NOX4: variants seen among roughly 807,000 people sequenced by gnomAD.
NOX4 encodes the protein kidney oxidase-1.
A neutral mutation model predicts 87.6 loss-of-function variants in NOX4; 69 were observed. The observed-to-expected ratio is 0.79, with a 90% confidence interval of 0.65 to 0.96. The LOEUF (loss-of-function observed/expected upper bound fraction) is 0.96. NOX4 is among the 40% of genes least tolerant of loss of function. The pLI is 0.00. For missense variants in NOX4, 680 were observed against 681.5 expected (o/e 1.00, Z 0.02); for synonymous variants, 275 against 238.2 (o/e 1.15, Z -1.42).
chr11:89,400,327 T>C lies in NOX4; in HGVS notation c.899A>G (p.Tyr300Cys), dbSNP rs773496477. 3 of 1,612,512 alleles carry C rather than the reference T, an allele frequency of 1.9e-6. No homozygotes were observed. In the African/African-American group the frequency reaches 4.0e-5, roughly 22 times the overall value. Reference protein sequence around the residue: ...PLCLYCAERLYRYIRSNKPVT... With the variant: ...PLCLYCAERLCRYIRSNKPVT... ...TGGCTTATTGCTCCGGATATACCTG[T>C]AAAGTCTTTCGGCACAGTACAGGCA... Residue 300 changes from tyrosine (Y) to cysteine (C), a missense_variant, in exon 10 of 18, where the codon TAC becomes TGC. Physicochemically the swap from Tyr to Cys is radical, Grantham distance 194. Transcript: ENST00000263317.
intron 12 of NOX4, among the ~76,000 whole-genome samples, chr11:89,370,839 C>A (rs1206236445): frequency 6.6e-6 from 1 of 151,984 alleles, no homozygotes; most frequent in Non-Finnish European, 1.5e-5. Flanking sequence ...ATAGCTGCTT[C>A]CCTTGCTCCT....
intron 2 of NOX4, among the ~76,000 whole-genome samples, chr11:89,465,274 G>A (rs1945628614): frequency 1.3e-5 from 2 of 152,038 alleles, no homozygotes; most frequent in African/African-American, 4.8e-5. Flanking sequence ...TGTGAATGAT[G>A]GTTTCCAGCG....
chr11:89,561,050 C>CATACATATATAT, the NOX4 span, among the ~76,000 whole-genome samples: 5 of 28,552 alleles, frequency 1.8e-4, no homozygotes, highest in African/African-American at 7.4e-4. Flanking sequence ...ATATATCATA[C>CATACATATATAT]ATATATATAT....
chr11:89,585,613 C>A, the NOX4 span, among the ~76,000 whole-genome samples: 7 of 152,100 alleles, frequency 4.6e-5, no homozygotes, highest in Admixed American at 3.9e-4. Flanking sequence ...TTCAATGAAA[C>A]TTCATTTACA....
chr11:89,339,992 C>G, intron 15 of NOX4, 71 bp downstream of exon 15: 2 of 736,704 alleles, frequency 2.7e-6, no homozygotes, highest in Non-Finnish European at 4.4e-6. Flanking sequence ...GCATTTATTG[C>G]TTTTGTAATA....
chr11:89,427,174 A>C (rs537999109), intron 7 of NOX4, among the ~76,000 whole-genome samples: 11 of 152,312 alleles, frequency 7.2e-5, no homozygotes, highest in Admixed American at 2.6e-4. Flanking sequence ...GACTGTTAGA[A>C]GGAAAACTAA....
At chr11:89,548,644 T>A in the NOX4 span, 1 of 152,134 alleles carries the variant, frequency 6.6e-6, no homozygotes, top group Non-Finnish European at 1.5e-5. Context: ...AGAAGTGAGA[T>A]ATTTGACTTC....
the NOX4 span, among the ~76,000 whole-genome samples, chr11:89,552,830 T>A: frequency 8.2e-6 from 1 of 122,458 alleles, no homozygotes; most frequent in Non-Finnish European, 1.7e-5. Context: ...ATCAAGTAAC[T>A]TACTGTGAGT....
the NOX4 span, among the ~76,000 whole-genome samples, chr11:89,565,691 C>T: frequency 2.2e-3 from 339 of 151,350 alleles, no homozygotes; most frequent in Admixed American, 6.0e-3. Context: ...CTAACCTGCA[C>T]AATGTGCGCA....
upstream of NOX4, among the ~76,000 whole-genome samples, chr11:89,492,775 A>G (rs77652565): frequency 2.2e-3 from 338 of 152,286 alleles, no homozygotes; most frequent in Middle Eastern, 6.8e-3. Flanking sequence ...AGGAAGTCAA[A>G]TTCTGGGATG....
At chr11:89,545,525 G>T in the NOX4 span, 1 of 152,004 alleles carries the variant, frequency 6.6e-6, no homozygotes, top group East Asian at 1.9e-4. Context: ...TACACCTTTA[G>T]TAAGTTTTTA....
chr11:89,453,908 TTGA>T (rs1412567062), intron 2 of NOX4, among the ~76,000 whole-genome samples: 2 of 152,166 alleles, frequency 1.3e-5, no homozygotes. Context: ...GTTGAATGAC[TTGA>T]TGAATGAACA....
At chr11:89,588,396 T>C in the NOX4 span, among the ~76,000 whole-genome samples, 1,329 of 152,306 alleles carry the variant, frequency 8.7e-3, 19 homozygotes, top group Middle Eastern at 0.014. Flanking sequence ...CCAGAAATCA[T>C]GCACTTTAGA....
the NOX4 span, among the ~76,000 whole-genome samples, chr11:89,547,245 T>C: frequency 6.6e-6 from 1 of 152,172 alleles, no homozygotes; most frequent in Middle Eastern, 3.4e-3. Context: ...GGGGGGACAA[T>C]TGATACCATT....
the NOX4 span, among the ~76,000 whole-genome samples, chr11:89,543,121 C>T: frequency 1.4e-4 from 22 of 152,188 alleles, no homozygotes; most frequent in South Asian, 2.1e-4. Flanking sequence ...ATTTGGGTGA[C>T]GGCTACACTA....
intron 17 of NOX4, among the ~76,000 whole-genome samples, chr11:89,329,683 A>ACTCGTT (rs1945389648): frequency 6.6e-6 from 1 of 152,102 alleles, no homozygotes; most frequent in Non-Finnish European, 1.5e-5. Context: ...ACTTTTTGTC[A>ACTCGTT]TAAACTATGC....
intron 11 of NOX4, among the ~76,000 whole-genome samples, chr11:89,384,219 C>T (rs981658018): frequency 3.3e-5 from 5 of 152,212 alleles, no homozygotes; most frequent in African/African-American, 1.2e-4. Flanking sequence ...CTCTACAACC[C>T]ATTATTCTGT....
intron 17 of NOX4, among the ~76,000 whole-genome samples, chr11:89,329,037 T>A (rs1465770253): frequency 6.6e-6 from 1 of 151,926 alleles, no homozygotes; most frequent in Non-Finnish European, 1.5e-5. Flanking sequence ...TATATTGCTA[T>A]GGTAGCCCTA....
the NOX4 span, among the ~76,000 whole-genome samples, chr11:89,558,914 A>G: frequency 2.2e-4 from 34 of 152,270 alleles, no homozygotes; most frequent in African/African-American, 8.2e-4. Flanking sequence ...AGAGGCAGGA[A>G]AAATAGATAC....
Sources: gnomAD v4.1 joint callset for allele counts (sites outside exome capture counted in the v4.1 genomes callset) on GRCh38, gnomAD v4.1.1 for gene constraint, MANE v1.5 for transcripts, NCBI Gene and HGNC (gene_info 2026-07-23, HGNC 2026-07-21) for gene names.